Variants in BID observed in about 807,000 individuals in gnomAD.
BID encodes BH3 interacting domain death agonist.
BID carries 19 observed loss-of-function variants against 17.4 expected under a neutral mutation model. The observed-to-expected ratio is 1.09, with a 90% CI of 0.76 to 1.60. The LOEUF is 1.60. Ranked by LOEUF, BID falls within the 40% of genes most tolerant of loss-of-function variation. The pLI is 0.00. For missense variants in BID, 226 were observed against 256.0 expected (o/e 0.88, Z 0.80); for synonymous variants, 108 against 102.8 (o/e 1.05, Z -0.31).
At chr22:17,767,782 A>C (rs1325541272) in intron 1 of BID, among the ~76,000 whole-genome samples, 1 of 152,168 alleles carries the variant, frequency 6.6e-6, no homozygotes, top group Admixed American at 6.5e-5. Flanking sequence ...AGCGTCCGCG[A>C]AGTGAAAAGT....
At chr22:17,759,564 C>CAAAA (rs1178534844) in intron 1 of BID, among the ~76,000 whole-genome samples, 1 of 151,726 alleles carries the variant, frequency 6.6e-6, no homozygotes, top group Non-Finnish European at 1.5e-5. Context: ...AACAAACAAA[C>CAAAA]AAAAAACAGA....
Position 17,773,599 on chromosome 22 carries a change from A to T in BID, c.-59+782T>A. The T allele has an allele frequency of 6.2e-7, 1 of 1,612,496 alleles. No homozygotes were observed. The highest frequency in any genetic ancestry group is 1.1e-5 in the South Asian group (1 of 91,076). The stretch of plus-strand genomic sequence containing the variant: ...TCCAGCCGCAGAAGGCCCAGCCCCC[A>T]GCCCACTTACAGAATCCGCACTGTG... On this transcript the variant is annotated intron_variant, in intron 1 of 5. Coordinates refer to ENST00000622694, the MANE Select transcript of BID (RefSeq NM_001196.4). This position sits in a 1 kb window ranked among gnomAD's most constrained non-coding sequence, Gnocchi z 4.4.
chr22:17,753,241 C>G (rs2145896534), intron 1 of BID, among the ~76,000 whole-genome samples: 1 of 152,320 alleles, frequency 6.6e-6, no homozygotes, highest in South Asian at 2.1e-4. Flanking sequence ...GCTAGGATTA[C>G]AGGCGTGAAC....
chr22:17,763,710 CTTT>C (rs35220679), intron 1 of BID, among the ~76,000 whole-genome samples: 2 of 141,960 alleles, frequency 1.4e-5, no homozygotes, highest in African/African-American at 2.6e-5. Context: ...TGAAAACATA[CTTT>C]TTTTTTTTTT....
intron 5 of BID, among the ~76,000 whole-genome samples, chr22:17,737,410 G>A (rs945561847): frequency 6.6e-6 from 1 of 151,844 alleles, no homozygotes; most frequent in Non-Finnish European, 1.5e-5. Context: ...GCAGTGGTGC[G>A]ATCTCAGTTC....
chr22:17,743,051 C>T (rs1198716471), intron 3 of BID, among the ~76,000 whole-genome samples: 1 of 152,236 alleles, frequency 6.6e-6, no homozygotes, highest in Non-Finnish European at 1.5e-5. Flanking sequence ...GGCCCCATGT[C>T]CCAGTGGTAA....
At position 17,742,305 on chromosome 22, in the gene BID, G is replaced by A. The variant is rs537460407; in HGVS notation, c.223+1498C>T. Among the ~76,000 whole-genome samples, 5 of 152,364 alleles carry A rather than the reference G, an allele frequency of 3.3e-5. No individual in the cohort carries two copies. The South Asian group carries it at 1.0e-3, about 32-fold the overall frequency. ...AGAGCGAGAGAAAAACACCAGGGCA[G>A]ACTGGGGCTACAGTCACCCCCACAG... On this transcript the variant is annotated intron_variant, in intron 3 of 5. Transcript: ENST00000622694.
At chr22:17,767,866 A>G (rs942290636) in intron 1 of BID, among the ~76,000 whole-genome samples, 8 of 152,324 alleles carry the variant, frequency 5.3e-5, no homozygotes, top group Admixed American at 1.3e-4. Flanking sequence ...CAGGAGGATC[A>G]CTTGAGCCCA....
rs912435814 is a variant in BID at position 17,769,514 on chromosome 22, C to T, written c.-59+4867G>A. Among the ~76,000 whole-genome samples the T allele has an allele frequency of 2.6e-5, 4 of 152,192 alleles. No homozygotes were observed. The highest frequency in any genetic ancestry group is 9.7e-5 in the African/African-American group (4 of 41,440). On this transcript the variant is annotated intron_variant, in intron 1 of 5. Coordinates refer to ENST00000622694, the MANE Select transcript of BID (RefSeq NM_001196.4). The surrounding 1 kb of genome is among the most constrained non-coding windows in gnomAD (Gnocchi z 4.8). Reference sequence around the variant, plus strand: ...ACAGGAACGGACGTGGCCATCAGGCCGGAAGGGTGTGTGGGCCACAGAGAA... The same window carrying T: ...ACAGGAACGGACGTGGCCATCAGGCTGGAAGGGTGTGTGGGCCACAGAGAA...
chr22:17,749,595 A>G (rs2061521539), intron 2 of BID, among the ~76,000 whole-genome samples: 1 of 152,256 alleles, frequency 6.6e-6, no homozygotes, highest in South Asian at 2.1e-4. Context: ...GGCATTGGTT[A>G]GACAAGGTAA....
rs752409352 is a variant in BID at position 17,750,055 on chromosome 22, C to G, written c.12+50G>C. ...TGGTGGGGGACACGCAGGCCCTTAC[C>G]CCTCGACCCCGCCCCCCACAAGGCA... is the stretch of plus-strand genomic sequence containing the variant. On this transcript the variant is annotated intron_variant, in intron 2 of 5. Transcript: ENST00000622694. The G allele has an allele frequency of 5.1e-6, 8 of 1,571,474 alleles. No individual in the cohort carries two copies. In the South Asian group the frequency reaches 9.1e-5, roughly 18 times the overall value.
At chr22:17,743,683 GC>G (rs1300842477) in intron 3 of BID, 119 bp downstream of exon 3, 2 of 1,007,868 alleles carry the variant, frequency 2.0e-6, no homozygotes, top group African/African-American at 3.2e-5. Flanking sequence ...AGCGTACGTG[GC>G]AGCTGAAACT....
Position 17,735,567 on chromosome 22 carries a change from T to C in BID, c.*13A>G. 1 of 1,614,176 alleles carries C rather than the reference T, an allele frequency of 6.2e-7. No homozygotes were observed. Among genetic ancestry groups the C allele is most frequent in the Non-Finnish European group, 8.5e-7 (1 of 1,180,030 alleles). ...ATCGAGCTTTAGCCAGTCACACTTC[T>C]GGAACTGTCCGTTCAGTCCATCCCC... is the stretch of plus-strand genomic sequence containing the variant. On this transcript the variant is annotated 3_prime_UTR_variant, in exon 6 of 6. Transcript: ENST00000622694.
chr22:17,745,120 G>A (rs1017562747), intron 2 of BID, among the ~76,000 whole-genome samples: 3 of 151,792 alleles, frequency 2.0e-5, no homozygotes, highest in African/African-American at 4.8e-5. Context: ...GTGTGATCTC[G>A]GCTCACTACA....
intron 1 of BID, among the ~76,000 whole-genome samples, chr22:17,766,881 T>G (rs1185897984): frequency 6.7e-6 from 1 of 148,966 alleles, no homozygotes; most frequent in Non-Finnish European, 1.5e-5. Flanking sequence ...TGAGCCACCA[T>G]GCCCGGCCAA....
intron 1 of BID, among the ~76,000 whole-genome samples, chr22:17,763,524 G>T (rs931331104): frequency 6.6e-6 from 1 of 152,154 alleles, no homozygotes; most frequent in Non-Finnish European, 1.5e-5. Context: ...GATTACAGGC[G>T]TGAACCACCG....
intron 1 of BID, among the ~76,000 whole-genome samples, chr22:17,753,875 G>C (rs2061560035): frequency 6.6e-6 from 1 of 152,244 alleles, no homozygotes; most frequent in African/African-American, 2.4e-5. Flanking sequence ...GAGGTGCCGA[G>C]CCCTGCATGT....
intron 1 of BID, among the ~76,000 whole-genome samples, chr22:17,772,808 C>T (rs1225348359): frequency 2.0e-5 from 3 of 152,106 alleles, no homozygotes; most frequent in Non-Finnish European, 2.9e-5. Context: ...GCTGGGCATG[C>T]GACACCCCTT....
At chr22:17,755,543 C>T (rs2061575993) in intron 1 of BID, among the ~76,000 whole-genome samples, 1 of 152,024 alleles carries the variant, frequency 6.6e-6, no homozygotes, top group Non-Finnish European at 1.5e-5. Context: ...TGGCTCATGC[C>T]TGTAATCCCA....
Sources: allele counts gnomAD v4.1 joint callset (sites outside exome capture counted in the v4.1 genomes callset), GRCh38; gene constraint gnomAD v4.1.1; non-coding constraint Gnocchi (gnomAD v3.1); transcripts MANE v1.5; gene names NCBI Gene and HGNC (gene_info 2026-07-23, HGNC 2026-07-21).